The following PNKD variants were observed in gnomAD, a reference collection of about 807,000 sequenced individuals.
PNKD encodes the protein probable thioesterase PNKD.
Under a neutral mutation model 45.3 loss-of-function variants are expected in PNKD, and 36 were observed. The observed-to-expected ratio is 0.80, with a 90% CI of 0.61 to 1.05. The LOEUF (loss-of-function observed/expected upper bound fraction) is 1.05, where lower values mean the gene tolerates loss of function less well. PNKD is among the 50% of genes least tolerant of loss of function. PNKD has a pLI of 0.00. For synonymous variants in PNKD, 197 were observed against 210.1 expected, an observed-to-expected ratio of 0.94 and a Z score of 0.54; for missense variants, 511 against 506.6, an observed-to-expected ratio of 1.01 and a Z score of -0.08.
rs1021786439 is a variant in PNKD, at chr2:218,340,930, G to A, written c.524+144G>A. The A allele has an allele frequency of 6.7e-5, 49 of 730,286 alleles. No homozygotes were observed. The highest frequency in any genetic ancestry group is 9.5e-5 in the Non-Finnish European group (38 of 401,004). The allele number at this position is 730,286 out of a possible 1,614,324, so 45.2% of individuals were successfully genotyped here. ...TCCTCGTGAAGTCACCTGGACACCA[G>A]CAGGGAGGGAGGAGAGGGGACAGTC... On this transcript the variant is annotated intron_variant, in intron 5 of 9. Coordinates refer to ENST00000273077, the MANE Select transcript of PNKD (RefSeq NM_015488.5). This position sits in a 1 kb window ranked among gnomAD's most constrained non-coding sequence, Gnocchi z 4.2.
intron 7 of PNKD, 21 bp downstream of exon 7, chr2:218,342,165 GAGGA>G (rs1694699523): frequency 6.2e-7 from 1 of 1,606,522 alleles, no homozygotes; most frequent in African/African-American, 1.3e-5. Context: ...CCGAAAGAGA[GAGGA>G]GCTGGGAGAG....
intron 2 of PNKD, among the ~76,000 whole-genome samples, chr2:218,312,872 T>TA (rs201388994): frequency 0.037 from 5,579 of 151,088 alleles, 114 homozygotes; most frequent in African/African-American, 0.048. Context: ...GACTCCACCT[T>TA]AAAAAAAACA....
In PNKD at chr2:218,318,950, C is replaced by CTTTTTTTT. The variant is rs769001811; in HGVS notation, c.237-20818_237-20811dup. On this transcript the variant is annotated intron_variant, in intron 2 of 9. Coordinates refer to ENST00000273077, the MANE Select transcript of PNKD (RefSeq NM_015488.5). ...GCACAAATCTTTTCTTTTTTTTTTT[C>CTTTTTTTT]TTTTTTTTTTTTTTTTTTTTTTGAG... Among the ~76,000 whole-genome samples the CTTTTTTTT allele has an allele frequency of 3.3e-4, 33 of 99,894 alleles. 1 individual carries two copies. The highest frequency in any genetic ancestry group is 4.3e-4 in the Non-Finnish European group (23 of 53,646). 65.5% of individuals were successfully genotyped at this position (99,894 alleles called of 152,430 possible). A position where few individuals can be genotyped will look rare whatever the true frequency, so the allele number is the denominator to read the frequency against.
At chr2:218,284,888 C>T (rs1433352377) in intron 2 of PNKD, among the ~76,000 whole-genome samples, 1 of 152,136 alleles carries the variant, frequency 6.6e-6, no homozygotes, top group African/African-American at 2.4e-5. Flanking sequence ...ATCAGGAGTT[C>T]GAGACCAGCC....
intron 2 of PNKD, chr2:218,282,265 G>A (rs11888211): frequency 0.058 from 46,730 of 800,894 alleles, 5,314 homozygotes; most frequent in African/African-American, 0.41. Flanking sequence ...GCCTTGTCCA[G>A]GCTGCCTCCG....
At chr2:218,278,466 A>G (rs557914676) in intron 2 of PNKD, 9 of 1,585,074 alleles carry the variant, frequency 5.7e-6, no homozygotes, top group Admixed American at 5.0e-5. Context: ...CTCGGCCCCC[A>G]TCCCAATCCC....
At chr2:218,319,956 T>A (rs1054671519) in intron 2 of PNKD, among the ~76,000 whole-genome samples, 1 of 152,218 alleles carries the variant, frequency 6.6e-6, no homozygotes, top group African/African-American at 2.4e-5. Context: ...GGAAGGAATG[T>A]TCCAAGGGGA....
At chr2:218,325,343 G>A (rs138820732) in intron 2 of PNKD, among the ~76,000 whole-genome samples, 3,151 of 151,056 alleles carry the variant, frequency 0.021, 107 homozygotes, top group African/African-American at 0.069. Flanking sequence ...GAGTAGCTGC[G>A]ACTACAGGCA....
At position 218,315,053 on chromosome 2, in the gene PNKD, T is replaced by C. The variant is rs149187201; in HGVS notation, c.237-24730T>C. Among the ~76,000 whole-genome samples the C allele has an allele frequency of 5.6e-3, 270 of 47,956 alleles. 12 individuals are homozygous for C. Among genetic ancestry groups the C allele is most frequent in the South Asian group, 0.024 (33 of 1,358 alleles). 31.5% of individuals were successfully genotyped at this position (47,956 alleles called of 152,430 possible). A position where few individuals can be genotyped will look rare whatever the true frequency, so the allele number is the denominator to read the frequency against. The stretch of plus-strand genomic sequence containing the variant: ...CTTTCTTTCTTTTTCTTTCTTTCTT[T>C]CTTTCTTCCTTCCTTCCTTCCTTTC... On this transcript the variant is annotated intron_variant, in intron 2 of 9. Transcript: ENST00000273077.
chr2:218,300,627 C>A (rs952338563), intron 2 of PNKD, among the ~76,000 whole-genome samples: 1 of 151,026 alleles, frequency 6.6e-6, no homozygotes, highest in Non-Finnish European at 1.5e-5. Flanking sequence ...CTCACTGCAA[C>A]CTCCGTCTCC....
intron 2 of PNKD, chr2:218,280,145 T>TC: frequency 6.3e-7 from 1 of 1,583,356 alleles, no homozygotes; most frequent in Non-Finnish European, 8.7e-7. Context: ...AGATGACACT[T>TC]GACTCAGCTG....
intron 2 of PNKD, among the ~76,000 whole-genome samples, chr2:218,321,434 G>A (rs112236230): frequency 6.6e-6 from 1 of 152,092 alleles, no homozygotes; most frequent in Non-Finnish European, 1.5e-5. Flanking sequence ...GAGGAGACAG[G>A]GAGGGAGCAG....
Position 218,326,361 on chromosome 2 carries a change from T to C in PNKD, c.237-13422T>C, listed in dbSNP as rs970613967. On this transcript the variant is annotated intron_variant, in intron 2 of 9. Transcript: ENST00000273077. This position sits in a 1 kb window ranked among gnomAD's most constrained non-coding sequence, Gnocchi z 4.1. ...GGTGAAACTGGTGAGACACATGCAT[T>C]TGGGGCTCTGTGGGGCCTGGGAGAC... 1.3e-5 allele frequency among the ~76,000 whole-genome samples: 2 copies of C among 152,130 alleles called. No individual in the cohort carries two copies. The highest frequency in any genetic ancestry group is 2.1e-4 in the South Asian group (1 of 4,826).
chr2:218,308,578 A>C (rs909787180), intron 2 of PNKD, among the ~76,000 whole-genome samples: 2 of 148,150 alleles, frequency 1.3e-5, no homozygotes, highest in Non-Finnish European at 3.0e-5. Context: ...TTTTTTCTCC[A>C]CTACTTTCTT....
chr2:218,339,615 C>T (rs1157859890), intron 2 of PNKD, among the ~76,000 whole-genome samples, 168 bp from the exon 3 acceptor site: 1 of 152,064 alleles, frequency 6.6e-6, no homozygotes, highest in Non-Finnish European at 1.5e-5. Flanking sequence ...CCATCTTGTC[C>T]TGAGTGCTAA....
chr2:218,278,514 C>A, intron 2 of PNKD: 3 of 1,614,126 alleles, frequency 1.9e-6, no homozygotes, highest in South Asian at 2.2e-5. Flanking sequence ...CTGGGACTCA[C>A]CTGGGTCCCT....
intron 2 of PNKD, chr2:218,275,413 G>T (rs1286973216): frequency 1.9e-6 from 3 of 1,557,228 alleles, no homozygotes; most frequent in African/African-American, 2.7e-5. Context: ...CACAGTCATA[G>T]GGCCCAGCCC....
intron 2 of PNKD, chr2:218,323,199 GGGGGCC>G: frequency 7.2e-7 from 1 of 1,390,532 alleles, no homozygotes; most frequent in Non-Finnish European, 9.3e-7. Flanking sequence ...GTTCCCCGCG[GGGGGCC>G]GGGGCCGGGC....
rs553942813 is a variant in PNKD, at chr2:218,345,091, C to A, written c.*110C>A. On this transcript the variant is annotated 3_prime_UTR_variant, in exon 10 of 10. Transcript: ENST00000273077. ...ACCACCACCTCCATCGGCACCCAAG[C>A]GGGCATCATCCCCCCACACTGCTCA... 1.5e-5 allele frequency: 12 copies of A among 816,980 alleles called. No homozygotes were observed. The South Asian group carries it at 1.7e-4, about 12-fold the overall frequency. The allele number at this position is 816,980 out of a possible 1,614,324, so 50.6% of individuals were successfully genotyped here.
Sources: allele counts gnomAD v4.1 joint callset (sites outside exome capture counted in the v4.1 genomes callset), GRCh38; gene constraint gnomAD v4.1.1; non-coding constraint Gnocchi (gnomAD v3.1); transcripts MANE v1.5; gene names NCBI Gene and HGNC (gene_info 2026-07-23, HGNC 2026-07-21).